The following GRIA4 variants were observed in gnomAD, a reference collection of about 807,000 sequenced individuals.
The protein encoded by GRIA4 is glutamate ionotropic receptor AMPA type subunit 4.
In GRIA4, 34 loss-of-function variants were observed where a neutral mutation model predicts 104.0. The ratio of observed to expected loss-of-function variants is 0.33; its 90% CI spans 0.25 to 0.44. The LOEUF (loss-of-function observed/expected upper bound fraction) is 0.44, where lower values mean the gene tolerates loss of function less well. Among genes scored for constraint, GRIA4 ranks in the 20% least tolerant of loss-of-function variants. GRIA4 has a pLI of 1.00. For missense variants in GRIA4, 750 were observed against 1,096.5 expected, an observed-to-expected ratio of 0.68 and a Z score of 4.46; for synonymous variants, 386 against 381.9, an observed-to-expected ratio of 1.01 and a Z score of -0.13.
At chr11:105,894,379 T>C (rs1327593338) in intron 6 of GRIA4, among the ~76,000 whole-genome samples, 2 of 152,146 alleles carry the variant, frequency 1.3e-5, no homozygotes, top group African/African-American at 2.4e-5. Context: ...CCTGTTTTCA[T>C]ATATTTAGGA....
At chr11:105,699,320 T>A (rs1953400046) in intron 3 of GRIA4, among the ~76,000 whole-genome samples, 1 of 152,146 alleles carries the variant, frequency 6.6e-6, no homozygotes, top group African/African-American at 2.4e-5. Context: ...ATATAACCTG[T>A]GAGTGGGACT....
At chr11:105,700,417 A>T (rs773060884) in intron 3 of GRIA4, among the ~76,000 whole-genome samples, 2 of 152,142 alleles carry the variant, frequency 1.3e-5, no homozygotes, top group African/African-American at 4.8e-5. Flanking sequence ...GATCATCCCT[A>T]TTAGTAGTTC....
chr11:105,925,929 C>T (rs972824574), intron 12 of GRIA4, among the ~76,000 whole-genome samples: 9 of 152,026 alleles, frequency 5.9e-5, no homozygotes, highest in Admixed American at 5.9e-4. Context: ...CAATGATGAA[C>T]ATTCTCTGGA....
At chr11:105,854,582 G>A (rs1348903963) in intron 4 of GRIA4, among the ~76,000 whole-genome samples, 1 of 152,208 alleles carries the variant, frequency 6.6e-6, no homozygotes, top group African/African-American at 2.4e-5. Flanking sequence ...GGAAATAAAA[G>A]ACATGTAAAG....
intron 14 of GRIA4, among the ~76,000 whole-genome samples, chr11:105,968,683 T>C (rs535082280): frequency 3.9e-5 from 6 of 152,352 alleles, no homozygotes; most frequent in Admixed American, 2.6e-4. Context: ...ATGGTGTTCA[T>C]ATGAGTTAAT....
In GRIA4 at chr11:105,612,354, A is replaced by G; in HGVS notation, c.167A>G (p.Asn56Ser). ...LAIFLHNTSP[N>S]ASEAPFNLVP... ...ATTTTTCTTCATAACACCAGCCCCA[A>G]TGCGTCGGAAGCTCCTTTTAATTTG... The change falls in exon 3 of 17, where the codon AAT becomes AGT. Residue 56 changes from asparagine to serine, a missense_variant. By Grantham distance (46) the Asn-to-Ser change is conservative (BLOSUM62 1). Coordinates refer to ENST00000282499, the MANE Select transcript of GRIA4 (RefSeq NM_000829.4). 1.9e-6 allele frequency: 3 copies of G among 1,614,062 alleles called. No homozygotes were observed. The South Asian group carries it at 3.3e-5, about 18-fold the overall frequency.
chr11:105,960,427 G>A (rs992789477), intron 14 of GRIA4, among the ~76,000 whole-genome samples: 5 of 152,138 alleles, frequency 3.3e-5, no homozygotes, highest in Admixed American at 1.3e-4. Context: ...GAGCTGTGGG[G>A]ACAAGTCTTG....
chr11:105,927,619 T>C (rs778409680), intron 13 of GRIA4, among the ~76,000 whole-genome samples: 5 of 152,128 alleles, frequency 3.3e-5, no homozygotes, highest in Non-Finnish European at 5.9e-5. Context: ...TTGCATTGTA[T>C]GTCCCTTTGA....
chr11:105,932,447 G>A (rs1214269521), intron 13 of GRIA4, among the ~76,000 whole-genome samples: 1 of 152,040 alleles, frequency 6.6e-6, no homozygotes, highest in Non-Finnish European at 1.5e-5. Context: ...TCTGAGCCAC[G>A]GCACCTGGCC....
chr11:105,971,810 T>G, intron 14 of GRIA4, 104 bp from the exon 15 acceptor site: 1 of 677,338 alleles, frequency 1.5e-6, no homozygotes, highest in South Asian at 1.7e-5. Context: ...TAGCACCTAC[T>G]GTGGCCTCTG....
chr11:105,727,566 C>T (rs2135595034), intron 3 of GRIA4, among the ~76,000 whole-genome samples: 1 of 152,152 alleles, frequency 6.6e-6, no homozygotes, highest in East Asian at 1.9e-4. Flanking sequence ...AACCCCAAGA[C>T]ATAATCATCA....
chr11:105,645,833 A>T (rs1484584619), intron 3 of GRIA4, among the ~76,000 whole-genome samples: 2 of 152,212 alleles, frequency 1.3e-5, no homozygotes, highest in African/African-American at 4.8e-5. Context: ...GATAACCTAG[A>T]GCAGAAAAAA....
rs182505188 is a variant in GRIA4, at chr11:105,756,718, A to G, written c.487+3498A>G. Reference sequence around the variant, plus strand: ...AAGTCTAAAACCGTCACTGGGATGAAGAGGAGTTTCCTTTTTTAAATCTTT... The same window carrying G: ...AAGTCTAAAACCGTCACTGGGATGAGGAGGAGTTTCCTTTTTTAAATCTTT... On this transcript the variant is annotated intron_variant, in intron 4 of 16. Coordinates refer to ENST00000282499, the MANE Select transcript of GRIA4 (RefSeq NM_000829.4). Among the ~76,000 whole-genome samples, 6 of 151,258 alleles carry G rather than the reference A, an allele frequency of 4.0e-5. 1 individual carries two copies. The Admixed American group carries it at 4.0e-4, about 10-fold the overall frequency.
intron 7 of GRIA4, among the ~76,000 whole-genome samples, chr11:105,901,210 G>C (rs1052517433): frequency 4.6e-5 from 7 of 152,002 alleles, no homozygotes; most frequent in Non-Finnish European, 1.0e-4. Context: ...AATCACAATA[G>C]AGAGTCACTA....
rs188101624 is a variant in GRIA4, at chr11:105,872,345, G to A, written c.672+10137G>A. On this transcript the variant is annotated intron_variant, in intron 5 of 16. Transcript: ENST00000282499. ...AAAGAAAAGATATATAACAGCAAGG[G>A]GCTAGGGTGAGAACATCACATATTA... is the stretch of plus-strand genomic sequence containing the variant. Among the ~76,000 whole-genome samples, 435 of 152,060 alleles carry A rather than the reference G, an allele frequency of 2.9e-3. 3 individuals are homozygous for A. The highest frequency in any genetic ancestry group is 9.9e-3 in the African/African-American group (411 of 41,492).
At chr11:105,877,913 A>G (rs983414296) in intron 5 of GRIA4, among the ~76,000 whole-genome samples, 5 of 152,168 alleles carry the variant, frequency 3.3e-5, no homozygotes, top group African/African-American at 1.2e-4. Flanking sequence ...ACTTCTGTCA[A>G]TTCATCAAAC....
At chr11:105,716,992 T>C (rs761507916) in intron 3 of GRIA4, among the ~76,000 whole-genome samples, 11 of 152,192 alleles carry the variant, frequency 7.2e-5, no homozygotes, top group Non-Finnish European at 1.5e-4. Context: ...TCTTACTCTC[T>C]GCAATCCTTA....
At chr11:105,717,575 G>C (rs753855582) in intron 3 of GRIA4, among the ~76,000 whole-genome samples, 14 of 151,840 alleles carry the variant, frequency 9.2e-5, no homozygotes, top group Non-Finnish European at 1.3e-4. Flanking sequence ...CCAGGGGAGA[G>C]AAGTACAAAT....
At chr11:105,797,702 G>T (rs1284375209) in intron 4 of GRIA4, 4 of 381,158 alleles carry the variant, frequency 1.0e-5, no homozygotes, top group Admixed American at 3.2e-5. Context: ...GTTTCTTTGT[G>T]TCTTGTTCAT....
Sources: allele counts gnomAD v4.1 joint callset (sites outside exome capture counted in the v4.1 genomes callset), GRCh38; gene constraint gnomAD v4.1.1; transcripts MANE v1.5; gene names NCBI Gene and HGNC (gene_info 2026-07-23, HGNC 2026-07-21).